RBFOX1: variants seen among roughly 807,000 people sequenced by gnomAD.
The protein encoded by RBFOX1 is RNA binding protein fox-1 homolog 1.
RBFOX1 carries 8 observed loss-of-function variants against 57.7 expected under a neutral mutation model. The observed-to-expected ratio is 0.14, with a 90% CI of 0.08 to 0.25. The LOEUF (loss-of-function observed/expected upper bound fraction) is 0.25, where lower values mean the gene tolerates loss of function less well. Ranked by LOEUF, RBFOX1 falls within the 10% of genes least tolerant of loss-of-function variation. The probability of loss-of-function intolerance (pLI) is 1.00; values close to 1 mark genes in which losing one functional copy is unlikely to be tolerated. For missense variants in RBFOX1, 611 were observed against 548.5 expected, an observed-to-expected ratio of 1.11 and a Z score of -1.14; for synonymous variants, 326 against 222.4, an observed-to-expected ratio of 1.47 and a Z score of -4.15.
chr16:6,859,399 G>A (rs550117472), intron 3 of RBFOX1, among the ~76,000 whole-genome samples: 2 of 151,510 alleles, frequency 1.3e-5, no homozygotes, highest in Admixed American at 6.6e-5. Context: ...CCCATACTTG[G>A]CTCTAATATC....
intron 3 of RBFOX1, among the ~76,000 whole-genome samples, chr16:6,773,059 G>C (rs1019983372): frequency 2.8e-5 from 4 of 143,386 alleles, no homozygotes; most frequent in African/African-American, 1.1e-4. Context: ...ATTGGGCTTG[G>C]GGTGCATTTG....
chr16:7,114,629 G>A (rs1223049888), intron 4 of RBFOX1, among the ~76,000 whole-genome samples: 2 of 152,102 alleles, frequency 1.3e-5, no homozygotes, highest in East Asian at 1.9e-4. Flanking sequence ...TTTCTGAAAC[G>A]CCTTTTCTTC....
chr16:5,341,723 T>G (rs1258401461), intron 1 of RBFOX1, among the ~76,000 whole-genome samples: 1 of 152,180 alleles, frequency 6.6e-6, no homozygotes, highest in East Asian at 1.9e-4. Flanking sequence ...ATCATACAGC[T>G]GGCCTTGACC....
At chr16:6,499,814 C>T (rs978167904) in intron 2 of RBFOX1, among the ~76,000 whole-genome samples, 4 of 152,042 alleles carry the variant, frequency 2.6e-5, no homozygotes, top group South Asian at 2.1e-4. Flanking sequence ...TTAGGGCATT[C>T]GCGGGTAATC....
chr16:6,981,876 A>T (rs1435709394), intron 3 of RBFOX1, among the ~76,000 whole-genome samples: 3 of 152,158 alleles, frequency 2.0e-5, no homozygotes, highest in Non-Finnish European at 4.4e-5. Flanking sequence ...ATTTAAGTTG[A>T]TTCCACATCT....
In RBFOX1 at chr16:6,941,176, C is replaced by G. The variant is rs761120549; in HGVS notation, c.-15-110881C>G. Among the ~76,000 whole-genome samples, 196 of 152,030 alleles carry G rather than the reference C, an allele frequency of 1.3e-3. 1 individual carries two copies. Among genetic ancestry groups the G allele is most frequent in the Middle Eastern group, 3.4e-3 (1 of 294 alleles). On this transcript the variant is annotated intron_variant, in intron 3 of 15. Transcript: ENST00000550418. ...TCCTCAGGAAATCCATCAGCAGACT[C>G]TCATTCCATGCATACATATATATAT... is the stretch of plus-strand genomic sequence containing the variant.
intron 2 of RBFOX1, among the ~76,000 whole-genome samples, chr16:6,320,029 T>A (rs771842487): frequency 6.6e-6 from 1 of 152,088 alleles, no homozygotes; most frequent in East Asian, 1.9e-4. Flanking sequence ...TATTGACCAA[T>A]AAGAATTGCG....
At chr16:6,727,035 C>T (rs1208935975) in intron 3 of RBFOX1, among the ~76,000 whole-genome samples, 1 of 41,990 alleles carries the variant, frequency 2.4e-5, no homozygotes, top group Admixed American at 2.5e-4. Flanking sequence ...TCATGACCTT[C>T]AGGTATTTGG....
chr16:6,479,472 C>A (rs368422628), intron 2 of RBFOX1, among the ~76,000 whole-genome samples: 1 of 152,034 alleles, frequency 6.6e-6, no homozygotes, highest in African/African-American at 2.4e-5. Flanking sequence ...CCTGTAGTCC[C>A]AGCTACTCGG....
intron 2 of RBFOX1, among the ~76,000 whole-genome samples, chr16:6,532,591 C>G (rs1446858767): frequency 1.3e-5 from 2 of 152,166 alleles, no homozygotes; most frequent in Non-Finnish European, 2.9e-5. Flanking sequence ...ATCATTCCTG[C>G]AGAGCGGTAG....
chr16:6,920,835 C>A (rs1376874190), intron 3 of RBFOX1, among the ~76,000 whole-genome samples: 1 of 152,160 alleles, frequency 6.6e-6, no homozygotes, highest in Non-Finnish European at 1.5e-5. Flanking sequence ...TCTTGAGATC[C>A]TTAACTTAGT....
intron 3 of RBFOX1, among the ~76,000 whole-genome samples, chr16:6,994,114 C>G (rs932898057): frequency 1.3e-5 from 2 of 151,974 alleles, no homozygotes; most frequent in African/African-American, 2.4e-5. Flanking sequence ...GATATCTGCC[C>G]GTGATGAGGG....
intron 3 of RBFOX1, among the ~76,000 whole-genome samples, chr16:5,840,381 C>A (rs533603647): frequency 1.3e-5 from 2 of 152,272 alleles, no homozygotes; most frequent in East Asian, 1.9e-4. Context: ...CTGTCCCCAG[C>A]GTCTGAGGGC....
intron 4 of RBFOX1, among the ~76,000 whole-genome samples, chr16:7,503,069 T>C (rs547522852): frequency 1.8e-4 from 27 of 152,286 alleles, no homozygotes; most frequent in African/African-American, 6.3e-4. Flanking sequence ...TCCAAGATTA[T>C]GGCGTCCACT....
At chr16:7,027,874 C>G (rs946571588) in intron 3 of RBFOX1, among the ~76,000 whole-genome samples, 1 of 141,186 alleles carries the variant, frequency 7.1e-6, no homozygotes, top group Admixed American at 7.3e-5. Context: ...AGAGGGAAAC[C>G]GGGAGAAAAA....
At chr16:6,875,154 C>G (rs907703659) in intron 3 of RBFOX1, among the ~76,000 whole-genome samples, 1 of 152,118 alleles carries the variant, frequency 6.6e-6, no homozygotes, top group Middle Eastern at 3.2e-3. Context: ...CATATAATGC[C>G]TACAGTGCTT....
chr16:7,430,440 T>C (rs1482694767), intron 4 of RBFOX1, among the ~76,000 whole-genome samples: 1 of 152,070 alleles, frequency 6.6e-6, no homozygotes, highest in Non-Finnish European at 1.5e-5. Context: ...GGCAGGCAGA[T>C]CACAAGGTGA....
intron 4 of RBFOX1, among the ~76,000 whole-genome samples, chr16:5,901,785 T>C (rs1340431310): frequency 6.6e-6 from 1 of 152,254 alleles, no homozygotes; most frequent in Admixed American, 6.5e-5. Context: ...ATTGAGCTTT[T>C]CTGTATCTTT....
intron 2 of RBFOX1, among the ~76,000 whole-genome samples, chr16:6,343,766 G>A (rs919059191): frequency 5.9e-5 from 9 of 152,268 alleles, no homozygotes; most frequent in South Asian, 2.1e-4. Context: ...TGAATCAGTC[G>A]TCTTTCTCAG....
Sources: gnomAD v4.1 joint callset for allele counts (sites outside exome capture counted in the v4.1 genomes callset) on GRCh38, gnomAD v4.1.1 for gene constraint, MANE v1.5 for transcripts, NCBI Gene and HGNC (gene_info 2026-07-23, HGNC 2026-07-21) for gene names.